CYP20A1: variants seen among roughly 807,000 people sequenced by gnomAD.
CYP20A1 encodes the protein cytochrome P450 family 20 subfamily A member 1.
In CYP20A1, 61 loss-of-function variants were observed where a neutral mutation model predicts 61.4. The ratio of observed to expected loss-of-function variants is 0.99; its 90% confidence interval spans 0.81 to 1.23. The LOEUF is 1.23. Ranked by LOEUF, CYP20A1 falls within the 50% of genes most tolerant of loss-of-function variation. CYP20A1 has a pLI of 0.00. For missense variants in CYP20A1, 530 were observed against 542.4 expected (o/e 0.98, Z 0.23); for synonymous variants, 193 against 188.2 (o/e 1.03, Z -0.21).
chr2:203,276,306 G>T (rs2067817817), intron 6 of CYP20A1, among the ~76,000 whole-genome samples: 1 of 152,162 alleles, frequency 6.6e-6, no homozygotes, highest in African/African-American at 2.4e-5. Context: ...GTGTGACTAG[G>T]TTGTTACTAT....
rs768169691 is a variant in CYP20A1, at chr2:203,304,194, A to G, written c.*7286A>G. On this transcript the variant is annotated 3_prime_UTR_variant, in exon 13 of 13. Coordinates refer to ENST00000356079, the MANE Select transcript of CYP20A1 (RefSeq NM_177538.3). Reference sequence around the variant, plus strand: ...ACCACTGTACTCCAGCCTAGGTGACAGAGTGAGACTCCATAGGTCTCAGCC... The same window carrying G: ...ACCACTGTACTCCAGCCTAGGTGACGGAGTGAGACTCCATAGGTCTCAGCC... Among the ~76,000 whole-genome samples, 7 of 152,154 alleles carry G rather than the reference A, an allele frequency of 4.6e-5. No homozygotes were observed. Among genetic ancestry groups the G allele is most frequent in the Non-Finnish European group, 8.8e-5 (6 of 68,014 alleles).
intron 3 of CYP20A1, among the ~76,000 whole-genome samples, chr2:203,248,366 G>T (rs373127475): frequency 2.0e-5 from 3 of 151,864 alleles, no homozygotes; most frequent in Admixed American, 6.6e-5. Context: ...AAACCCTGTC[G>T]CTACTAAAAA....
intron 5 of CYP20A1, among the ~76,000 whole-genome samples, chr2:203,269,058 A>G (rs2067449237): frequency 6.6e-6 from 1 of 152,148 alleles, no homozygotes; most frequent in Non-Finnish European, 1.5e-5. Flanking sequence ...ACTGCCCCCT[A>G]CAAACATTGT....
At chr2:203,293,944 T>A (rs1438978927) in intron 11 of CYP20A1, among the ~76,000 whole-genome samples, 1 of 152,018 alleles carries the variant, frequency 6.6e-6, no homozygotes, top group East Asian at 1.9e-4. Context: ...AAAAAATGTT[T>A]CTTAGGCCCT....
At chr2:203,289,954 A>ATT in intron 10 of CYP20A1, 78 bp downstream of exon 10, 14 of 565,774 alleles carry the variant, frequency 2.5e-5, no homozygotes, top group South Asian at 4.2e-5. Context: ...ATATATATAT[A>ATT]TTTTAGACAG....
At chr2:203,250,795 T>G (rs1210197130) in intron 3 of CYP20A1, among the ~76,000 whole-genome samples, 1 of 152,132 alleles carries the variant, frequency 6.6e-6, no homozygotes, top group Non-Finnish European at 1.5e-5. Context: ...CCGGGTGCGG[T>G]GGCTCACGCC....
intron 5 of CYP20A1, among the ~76,000 whole-genome samples, chr2:203,268,433 A>G (rs2067422428): frequency 6.6e-6 from 1 of 152,150 alleles, no homozygotes; most frequent in Non-Finnish European, 1.5e-5. Flanking sequence ...CAGGACAGTT[A>G]TTTTGTAGAC....
intron 4 of CYP20A1, among the ~76,000 whole-genome samples, chr2:203,261,795 GCCCTTT>G: frequency 6.6e-6 from 1 of 151,724 alleles, no homozygotes; most frequent in Admixed American, 6.6e-5. Context: ...TTGCAAATCT[GCCCTTT>G]GGACCTGGTT....
At chr2:203,277,132 A>G (rs568291951) in intron 6 of CYP20A1, among the ~76,000 whole-genome samples, 1 of 151,640 alleles carries the variant, frequency 6.6e-6, no homozygotes, top group Admixed American at 6.6e-5. Context: ...GCGGATCACA[A>G]GGTCAGGAGA....
At chr2:203,293,359 G>A (rs1198650065) in intron 11 of CYP20A1, among the ~76,000 whole-genome samples, 1 of 150,366 alleles carries the variant, frequency 6.7e-6, no homozygotes, top group Non-Finnish European at 1.5e-5. Context: ...GGGACTACAG[G>A]CACCCGCCAC....
At position 203,298,697 on chromosome 2, in the gene CYP20A1, C is replaced by A. The variant is rs1458549222; in HGVS notation, c.*1789C>A. ...GCCTGGGTGTCGAGTGAAACTCATT[C>A]TCAAAAAAAAAAAAAAAAGGAGGTG... On this transcript the variant is annotated 3_prime_UTR_variant, in exon 13 of 13. Transcript: ENST00000356079. Among the ~76,000 whole-genome samples the A allele has an allele frequency of 7.6e-6, 1 of 130,982 alleles. No individual in the cohort carries two copies. The highest frequency in any genetic ancestry group is 2.6e-4 in the South Asian group (1 of 3,852). 85.9% of individuals were successfully genotyped at this position (130,982 alleles called of 152,430 possible).
intron 9 of CYP20A1, among the ~76,000 whole-genome samples, chr2:203,288,127 G>T (rs1338974659): frequency 7.7e-6 from 1 of 129,722 alleles, no homozygotes; most frequent in South Asian, 2.8e-4. Flanking sequence ...TTGCAGTGGC[G>T]CAATCTCAGC....
At chr2:203,253,849 T>C (rs1056909098) in intron 4 of CYP20A1, among the ~76,000 whole-genome samples, 16 of 152,094 alleles carry the variant, frequency 1.1e-4, no homozygotes, top group African/African-American at 3.6e-4. Flanking sequence ...TGGTGGTGTT[T>C]GGAGCCTATT....
At chr2:203,241,775 G>A (rs1302146635) in intron 1 of CYP20A1, among the ~76,000 whole-genome samples, 5 of 152,206 alleles carry the variant, frequency 3.3e-5, no homozygotes, top group Middle Eastern at 3.4e-3. Flanking sequence ...GGCGATCCTC[G>A]CACCTTAGCC....
Position 203,239,117 on chromosome 2 carries a change from G to C in CYP20A1, c.55G>C (p.Val19Leu), listed in dbSNP as rs557496090. Residue 19 changes from valine to leucine, a missense_variant, in exon 1 of 13, where the codon GTG becomes CTG. Val to Leu is a conservative substitution (Grantham distance 32, BLOSUM62 1). Coordinates refer to ENST00000356079, the MANE Select transcript of CYP20A1 (RefSeq NM_177538.3). ...VTFLLALVGA[V>L]LYLYPASRQA... The stretch of plus-strand genomic sequence containing the variant: ...CTTCTTGCTGGCGTTGGTGGGAGCC[G>C]TGCTCTACCTCTATCCGGTGAGCGC... 2.7e-5 allele frequency: 44 copies of C among 1,613,402 alleles called. 1 individual carries two copies. The South Asian group carries it at 4.6e-4, about 17-fold the overall frequency.
chr2:203,243,864 A>G (rs987160588), intron 1 of CYP20A1, among the ~76,000 whole-genome samples: 2 of 151,416 alleles, frequency 1.3e-5, no homozygotes, highest in East Asian at 2.0e-4. Context: ...AATTTTTTGT[A>G]CTTTTTAAAG....
At position 203,301,157 on chromosome 2, in the gene CYP20A1, T is replaced by C. The variant is rs2069004222; in HGVS notation, c.*4249T>C. ...GTTGTGGTGAGCCAAGATTGCACCA[T>C]TGCACTCCAGCCTGGGCAAGAAGAG... On this transcript the variant is annotated 3_prime_UTR_variant, in exon 13 of 13. Transcript: ENST00000356079. 6.7e-6 allele frequency among the ~76,000 whole-genome samples: 1 copy of C among 150,148 alleles called. No individual in the cohort carries two copies. Among genetic ancestry groups the C allele is most frequent in the Non-Finnish European group, 1.5e-5 (1 of 67,662 alleles).
rs1475009279 is a variant in CYP20A1 at position 203,299,028 on chromosome 2, C to T, written c.*2120C>T. The stretch of plus-strand genomic sequence containing the variant: ...CCAGCCTGGGCGACAGGGCTGAGAC[C>T]TTGTCTCAAAAAAAAAAGGAGTATC... On this transcript the variant is annotated 3_prime_UTR_variant, in exon 13 of 13. Coordinates refer to ENST00000356079, the MANE Select transcript of CYP20A1 (RefSeq NM_177538.3). Among the ~76,000 whole-genome samples the T allele has an allele frequency of 1.3e-5, 2 of 151,398 alleles. No homozygotes were observed. Among genetic ancestry groups the T allele is most frequent in the Non-Finnish European group, 2.9e-5 (2 of 67,844 alleles).
At chr2:203,249,210 T>A (rs1255032097) in intron 3 of CYP20A1, among the ~76,000 whole-genome samples, 1 of 152,068 alleles carries the variant, frequency 6.6e-6, no homozygotes, top group Non-Finnish European at 1.5e-5. Context: ...AATGAAAAAT[T>A]TTAGTACAAT....
Sources: gnomAD v4.1 joint callset for allele counts (sites outside exome capture counted in the v4.1 genomes callset) on GRCh38, gnomAD v4.1.1 for gene constraint, MANE v1.5 for transcripts, NCBI Gene and HGNC (gene_info 2026-07-23, HGNC 2026-07-21) for gene names.